CSNK1D: variants seen among roughly 807,000 people sequenced by gnomAD.
CSNK1D encodes casein kinase 1 delta, also known as casein kinase I isoform delta.
In CSNK1D, 16 loss-of-function variants were observed where a neutral mutation model predicts 46.6. That is an observed-to-expected ratio of 0.34 (90% confidence interval 0.23 to 0.52). CSNK1D has a LOEUF of 0.52. CSNK1D is among the 20% of genes least tolerant of loss of function. The probability of loss-of-function intolerance (pLI) is 0.95; values close to 1 mark genes in which losing one functional copy is unlikely to be tolerated. For synonymous variants in CSNK1D, 276 were observed against 228.2 expected (o/e 1.21, Z -1.89); for missense variants, 398 against 578.4 (o/e 0.69, Z 3.20).
At chr17:82,256,117 T>C (rs1012736711) in intron 2 of CSNK1D, among the ~76,000 whole-genome samples, 1 of 152,120 alleles carries the variant, frequency 6.6e-6, no homozygotes, top group African/African-American at 2.4e-5. Context: ...AGGATTGAAA[T>C]ATACAAATCA....
chr17:82,247,037 A>C, intron 8 of CSNK1D: 1 of 985,440 alleles, frequency 1.0e-6, no homozygotes, highest in Non-Finnish European at 1.2e-6. Flanking sequence ...GATGGTGACA[A>C]AGGAGGGGGC....
chr17:82,251,893 C>T lies in CSNK1D; in HGVS notation c.737-366G>A. The T allele has an allele frequency of 2.9e-6, 1 of 343,134 alleles. No homozygotes were observed. The highest frequency in any genetic ancestry group is 2.4e-5 in the South Asian group (1 of 41,122). The allele number at this position is 343,134 out of a possible 1,614,324, so 21.3% of individuals were successfully genotyped here. On this transcript the variant is annotated intron_variant, in intron 5 of 8. Transcript: ENST00000314028. This position sits in a 1 kb window ranked among gnomAD's most constrained non-coding sequence, Gnocchi z 4.5. Reference sequence around the variant, plus strand: ...CCTGTAGTCCCAGCTACCGGGGAGGCTGACGCAGGAGAATGGTATGAACCC... The same window carrying T: ...CCTGTAGTCCCAGCTACCGGGGAGGTTGACGCAGGAGAATGGTATGAACCC...
Position 82,243,685 on chromosome 17 carries a change from TTGGCACG to T in CSNK1D, c.*1089_*1095del. ...GCCTGCCGGCTTTTCTGAGCTAGTC[TTGGCACG>T]TGGCAAGGACAGCCCCGCTCCTGGT... On this transcript the variant is annotated 3_prime_UTR_variant, in exon 9 of 9. Transcript: ENST00000314028. The T allele has an allele frequency of 3.0e-6, 3 of 985,488 alleles. No individual in the cohort carries two copies. The highest frequency in any genetic ancestry group is 3.6e-6 in the Non-Finnish European group (3 of 829,964). The allele number at this position is 985,488 out of a possible 1,614,324, so 61.0% of individuals were successfully genotyped here. A position where few individuals can be genotyped will look rare whatever the true frequency, so the allele number is the denominator to read the frequency against.
intron 1 of CSNK1D, among the ~76,000 whole-genome samples, chr17:82,267,754 T>C (rs1370268038): frequency 2.0e-5 from 3 of 152,204 alleles, no homozygotes; most frequent in African/African-American, 2.4e-5. Flanking sequence ...CTCATCCCAC[T>C]AGTTATGTCA....
chr17:82,258,757 T>G (rs2051249815), intron 2 of CSNK1D, among the ~76,000 whole-genome samples: 4 of 152,336 alleles, frequency 2.6e-5, no homozygotes, highest in African/African-American at 9.6e-5. Context: ...TGGAATCAGC[T>G]GCTTCTCCAA....
rs534232711 is a variant in CSNK1D at position 82,243,750 on chromosome 17, C to T, written c.*1031G>A. 1.0e-6 allele frequency: 1 copy of T among 985,444 alleles called. No homozygotes were observed. The highest frequency in any genetic ancestry group is 6.1e-5 in the Admixed American group (1 of 16,286). 61.0% of individuals were successfully genotyped at this position (985,444 alleles called of 1,614,324 possible). A position where few individuals can be genotyped will look rare whatever the true frequency, so the allele number is the denominator to read the frequency against. Reference sequence around the variant, plus strand: ...ACAGGCATTCATACAGACGGAGTGCCAATCCGCACAGGAGCATTGAGTGCT... The same window carrying T: ...ACAGGCATTCATACAGACGGAGTGCTAATCCGCACAGGAGCATTGAGTGCT... On this transcript the variant is annotated 3_prime_UTR_variant, in exon 9 of 9. Transcript: ENST00000314028.
Position 82,250,212 on chromosome 17 carries a change from G to T in CSNK1D, c.886-610C>A, listed in dbSNP as rs754842825. The T allele has an allele frequency of 1.6e-6, 2 of 1,289,714 alleles. No individual in the cohort carries two copies. The highest frequency in any genetic ancestry group is 2.0e-6 in the Non-Finnish European group (2 of 988,856). 79.9% of individuals were successfully genotyped at this position (1,289,714 alleles called of 1,614,324 possible). A position where few individuals can be genotyped will look rare whatever the true frequency, so the allele number is the denominator to read the frequency against. Reference sequence around the variant, plus strand: ...AAAGCAGATTCTAACTGCCAATGCTGTGCGGCAGGGGCCTGCAAACTACAG... The same window carrying T: ...AAAGCAGATTCTAACTGCCAATGCTTTGCGGCAGGGGCCTGCAAACTACAG... On this transcript the variant is annotated intron_variant, in intron 6 of 8. Coordinates refer to ENST00000314028, the MANE Select transcript of CSNK1D (RefSeq NM_001893.6). This position sits in a 1 kb window ranked among gnomAD's most constrained non-coding sequence, Gnocchi z 4.6.
At chr17:82,242,214 G>GC (rs1019236616), downstream of CSNK1D, among the ~76,000 whole-genome samples, 3 of 120,848 alleles carry the variant, frequency 2.5e-5, no homozygotes, top group African/African-American at 1.4e-4. Flanking sequence ...GTGTGCTCTG[G>GC]GGGGGGGGGG....
At position 82,244,539 on chromosome 17, in the gene CSNK1D, C is replaced by T. The variant is rs940956115; in HGVS notation, c.*242G>A. ...TCTCTGCAATTCTCTCTCTGCTTTTCTTCCCAGCCCCGTTACAACCGAGTT... is the reference window on the plus strand; with the variant it reads ...TCTCTGCAATTCTCTCTCTGCTTTTTTTCCCAGCCCCGTTACAACCGAGTT... On this transcript the variant is annotated 3_prime_UTR_variant, in exon 9 of 9. Transcript: ENST00000314028. The T allele has an allele frequency of 6.9e-6, 10 of 1,454,188 alleles. No individual in the cohort carries two copies. The highest frequency in any genetic ancestry group is 9.1e-6 in the Non-Finnish European group (10 of 1,104,238). The allele number at this position is 1,454,188 out of a possible 1,614,324, so 90.1% of individuals were successfully genotyped here. A position where few individuals can be genotyped will look rare whatever the true frequency, so the allele number is the denominator to read the frequency against.
chr17:82,269,477 C>T (rs906364553), intron 1 of CSNK1D, among the ~76,000 whole-genome samples: 13 of 152,186 alleles, frequency 8.5e-5, no homozygotes, highest in Admixed American at 2.6e-4. Context: ...ACCCTGCAGG[C>T]TGCCTCTTGA....
At chr17:82,239,972 G>C (rs1252260082), downstream of CSNK1D, 11 of 1,232,936 alleles carry the variant, frequency 8.9e-6, no homozygotes, top group Non-Finnish European at 1.1e-5. Flanking sequence ...GGCCGCCGGG[G>C]CCCTCAGTAG....
rs1180853085 is a variant in CSNK1D, at chr17:82,252,155, C to T, written c.736+279G>A. Among the ~76,000 whole-genome samples the T allele has an allele frequency of 1.3e-5, 2 of 152,248 alleles. No homozygotes were observed. The highest frequency in any genetic ancestry group is 2.9e-5 in the Non-Finnish European group (2 of 68,038). The stretch of plus-strand genomic sequence containing the variant: ...CCACCACTGCCTGTCCATCCCTTTC[C>T]AGCCACTTGGGGCCCTGAGGCTCGG... On this transcript the variant is annotated intron_variant, in intron 5 of 8. Coordinates refer to ENST00000314028, the MANE Select transcript of CSNK1D (RefSeq NM_001893.6). This position sits in a 1 kb window ranked among gnomAD's most constrained non-coding sequence, Gnocchi z 4.6.
At position 82,248,778 on chromosome 17, in the gene CSNK1D, A is replaced by C. The variant is rs1273957639; in HGVS notation, c.1197+97T>G. 2.0e-6 allele frequency: 3 copies of C among 1,531,950 alleles called. No individual in the cohort carries two copies. In the East Asian group the frequency reaches 7.4e-5, roughly 38 times the overall value. 94.9% of individuals were successfully genotyped at this position (1,531,950 alleles called of 1,614,324 possible). A position where few individuals can be genotyped will look rare whatever the true frequency, so the allele number is the denominator to read the frequency against. ...TTAAAAACTCTCAAAAATGGGGGGA[A>C]GAAAGGAAAGAAGAAGCCCTGGAGA... On this transcript the variant is annotated intron_variant, in intron 8 of 8. Coordinates refer to ENST00000314028, the MANE Select transcript of CSNK1D (RefSeq NM_001893.6). This position sits in a 1 kb window ranked among gnomAD's most constrained non-coding sequence, Gnocchi z 4.1.
intron 2 of CSNK1D, among the ~76,000 whole-genome samples, chr17:82,256,544 T>C (rs1252390818): frequency 6.8e-6 from 1 of 148,066 alleles, no homozygotes; most frequent in Non-Finnish European, 1.5e-5. Context: ...TTAGAAAAAA[T>C]GGGTGAAAGA....
intron 3 of CSNK1D, chr17:82,254,162 G>C: frequency 3.9e-6 from 1 of 259,016 alleles, no homozygotes; most frequent in South Asian, 2.9e-5. Flanking sequence ...AGCCGCCGGA[G>C]CCTCGAGAAG....
chr17:82,258,107 T>C (rs758739761), intron 2 of CSNK1D, among the ~76,000 whole-genome samples: 10 of 147,918 alleles, frequency 6.8e-5, no homozygotes, highest in Non-Finnish European at 1.3e-4. Context: ...CTCGGGAGGC[T>C]AAGGTGGGAG....
In CSNK1D at chr17:82,249,236, G is replaced by T; in HGVS notation, c.1057+195C>A. The T allele has an allele frequency of 1.3e-6, 1 of 758,612 alleles. No individual in the cohort carries two copies. Among genetic ancestry groups the T allele is most frequent in the Non-Finnish European group, 2.1e-6 (1 of 477,898 alleles). 47.0% of individuals were successfully genotyped at this position (758,612 alleles called of 1,614,324 possible). A position where few individuals can be genotyped will look rare whatever the true frequency, so the allele number is the denominator to read the frequency against. On this transcript the variant is annotated intron_variant, in intron 7 of 8. Coordinates refer to ENST00000314028, the MANE Select transcript of CSNK1D (RefSeq NM_001893.6). The surrounding 1 kb of genome is among the most constrained non-coding windows in gnomAD (Gnocchi z 6.7). ...AGGGGAGGAACGTGAGATGCGGGAG[G>T]AATCACGCACACCAGCAGGTGCCGG...
chr17:82,261,336 G>A (rs1018075395), intron 2 of CSNK1D, among the ~76,000 whole-genome samples: 3 of 151,970 alleles, frequency 2.0e-5, no homozygotes, highest in East Asian at 1.9e-4. Flanking sequence ...GGTGGGAAGC[G>A]GCCACTCATG....
At position 82,273,238 on chromosome 17, in the gene CSNK1D, T is replaced by C; in HGVS notation, c.76+68A>G. 4 of 1,491,952 alleles carry C rather than the reference T, an allele frequency of 2.7e-6. No individual in the cohort carries two copies. The highest frequency in any genetic ancestry group is 3.6e-6 in the Non-Finnish European group (4 of 1,097,454). The allele number at this position is 1,491,952 out of a possible 1,614,324, so 92.4% of individuals were successfully genotyped here. A position where few individuals can be genotyped will look rare whatever the true frequency, so the allele number is the denominator to read the frequency against. On this transcript the variant is annotated intron_variant, in intron 1 of 8. Transcript: ENST00000314028. This position sits in a 1 kb window ranked among gnomAD's most constrained non-coding sequence, Gnocchi z 5.1. ...CGGGGGCCACCACTTCCTTCCGCGA[T>C]CGCGCTTGGTCTTGGCAGCCGCAGG...
Sources: allele counts gnomAD v4.1 joint callset (sites outside exome capture counted in the v4.1 genomes callset), GRCh38; gene constraint gnomAD v4.1.1; non-coding constraint Gnocchi (gnomAD v3.1); transcripts MANE v1.5; gene names NCBI Gene and HGNC (gene_info 2026-07-23, HGNC 2026-07-21).